The following CSGALNACT1 variants were observed in gnomAD, a reference collection of about 807,000 sequenced individuals.
CSGALNACT1 encodes beta4GalNAcT-1.
In CSGALNACT1, 52 loss-of-function variants were observed where a neutral mutation model predicts 51.0. The observed-to-expected ratio is 1.02, with a 90% confidence interval of 0.82 to 1.29. The LOEUF is 1.29. CSGALNACT1 is among the 50% of genes most tolerant of loss of function. The pLI is 0.00. For synonymous variants in CSGALNACT1, 341 were observed against 254.4 expected (o/e 1.34, Z -3.24); for missense variants, 935 against 679.2 (o/e 1.38, Z -4.19).
intron 5 of CSGALNACT1, among the ~76,000 whole-genome samples, chr8:19,451,744 T>G (rs1463929844): frequency 1.3e-5 from 2 of 152,240 alleles, no homozygotes; most frequent in Non-Finnish European, 2.9e-5. Context: ...TTATTGTAAG[T>G]TGAAGCCATG....
intron 2 of CSGALNACT1, among the ~76,000 whole-genome samples, chr8:19,592,403 A>G (rs1168483053): frequency 1.3e-5 from 2 of 152,206 alleles, no homozygotes; most frequent in African/African-American, 2.4e-5. Context: ...TAGTATATAT[A>G]TTTATTTATG....
intron 4 of CSGALNACT1, among the ~76,000 whole-genome samples, chr8:19,480,582 G>A (rs2071092377): frequency 6.6e-6 from 1 of 152,112 alleles, no homozygotes; most frequent in East Asian, 1.9e-4. Context: ...GAACATATGG[G>A]TGCCTGCGTC....
At chr8:19,675,893 G>A (rs1159865165) in intron 1 of CSGALNACT1, among the ~76,000 whole-genome samples, 1 of 151,970 alleles carries the variant, frequency 6.6e-6, no homozygotes, top group East Asian at 1.9e-4. Context: ...AGAGACCTGA[G>A]GACTGAACCA....
chr8:19,596,975 C>T (rs529867151), intron 2 of CSGALNACT1, among the ~76,000 whole-genome samples: 2 of 152,236 alleles, frequency 1.3e-5, no homozygotes, highest in East Asian at 1.9e-4. Context: ...ACTGTAACTC[C>T]GTACCCATTA....
intron 5 of CSGALNACT1, among the ~76,000 whole-genome samples, chr8:19,446,334 T>C (rs897651451): frequency 6.6e-6 from 1 of 152,144 alleles, no homozygotes; most frequent in Non-Finnish European, 1.5e-5. Flanking sequence ...CACTTCTCTA[T>C]AAACACCTTG....
chr8:19,405,634 C>T, exon 10 of CSGALNACT1: 1 of 1,083,558 alleles, frequency 9.2e-7, no homozygotes, highest in Non-Finnish European at 1.4e-6. Context: ...AAAAGCCCAA[C>T]AGAGAGAAAT....
At chr8:19,662,074 A>ACCCCCCC (rs1159242984) in intron 1 of CSGALNACT1, among the ~76,000 whole-genome samples, 3 of 35,016 alleles carry the variant, frequency 8.6e-5, no homozygotes, top group East Asian at 1.3e-3. Flanking sequence ...ACCCCCCCCC[A>ACCCCCCC]CCCCCCCCCC....
upstream of CSGALNACT1, among the ~76,000 whole-genome samples, chr8:19,606,365 A>ACT (rs2051367472): frequency 6.6e-6 from 1 of 152,214 alleles, no homozygotes. Flanking sequence ...AGGGTCAGGA[A>ACT]CTATACAGAC....
intron 4 of CSGALNACT1, among the ~76,000 whole-genome samples, chr8:19,483,528 C>A (rs2072028795): frequency 6.6e-6 from 1 of 152,232 alleles, no homozygotes; most frequent in Non-Finnish European, 1.5e-5. Context: ...TCTACTTTTG[C>A]TCCTCTCTGT....
At chr8:19,599,472 A>AAGAAAAAGAAAGAAAG (rs1554751245) in intron 2 of CSGALNACT1, among the ~76,000 whole-genome samples, 20 of 113,804 alleles carry the variant, frequency 1.8e-4, no homozygotes, top group African/African-American at 6.1e-4. Context: ...GAAAGAAAGA[A>AAGAAAAAGAAAGAAAG]AAAGAAAGAA....
intron 4 of CSGALNACT1, among the ~76,000 whole-genome samples, chr8:19,501,447 C>T (rs978512409): frequency 1.3e-5 from 2 of 152,086 alleles, no homozygotes; most frequent in Non-Finnish European, 2.9e-5. Flanking sequence ...AACCACAGCA[C>T]CCTCAAAGCC....
chr8:19,551,572 A>G (rs2088099668), intron 3 of CSGALNACT1, among the ~76,000 whole-genome samples: 1 of 152,128 alleles, frequency 6.6e-6, no homozygotes, highest in Non-Finnish European at 1.5e-5. Flanking sequence ...TCGGCTTCCT[A>G]TTGCGTGCAA....
chr8:19,750,180 C>T (rs1488038773), intron 1 of CSGALNACT1, among the ~76,000 whole-genome samples: 1 of 152,188 alleles, frequency 6.6e-6, no homozygotes, highest in East Asian at 1.9e-4. Flanking sequence ...ACCCCTTGTA[C>T]CCAAACCTTA....
chr8:19,745,318 A>C (rs934249953), intron 1 of CSGALNACT1, among the ~76,000 whole-genome samples: 3 of 152,192 alleles, frequency 2.0e-5, no homozygotes, highest in Non-Finnish European at 4.4e-5. Context: ...TCCACATCTT[A>C]TCTCTCTTTG....
intron 1 of CSGALNACT1, among the ~76,000 whole-genome samples, chr8:19,652,427 A>T (rs1176094592): frequency 1.3e-5 from 2 of 152,190 alleles, no homozygotes; most frequent in Non-Finnish European, 2.9e-5. Flanking sequence ...ATCTAGAAAT[A>T]GATGCATCCC....
intron 1 of CSGALNACT1, among the ~76,000 whole-genome samples, chr8:19,714,520 C>A (rs1401835936): frequency 6.6e-6 from 1 of 151,998 alleles, no homozygotes; most frequent in African/African-American, 2.4e-5. Context: ...CTGATTTTAC[C>A]CCAGAGCTCT....
chr8:19,552,010 AC>A (rs1279327423), intron 3 of CSGALNACT1, among the ~76,000 whole-genome samples: 1 of 152,184 alleles, frequency 6.6e-6, no homozygotes, highest in Non-Finnish European at 1.5e-5. Flanking sequence ...ACTGGATCAT[AC>A]CCTGGCAAAA....
At chr8:19,638,106 G>A (rs996933053) in intron 1 of CSGALNACT1, among the ~76,000 whole-genome samples, 17 of 147,324 alleles carry the variant, frequency 1.2e-4, no homozygotes, top group African/African-American at 3.3e-4. Context: ...TGAAACCAAC[G>A]ACTGTCTAAA....
intron 8 of CSGALNACT1, among the ~76,000 whole-genome samples, chr8:19,410,131 A>C (rs1303192106): frequency 6.6e-6 from 1 of 152,174 alleles, no homozygotes; most frequent in Non-Finnish European, 1.5e-5. Context: ...GGGAATGGGG[A>C]CCTGCTGCCA....
Sources: gnomAD v4.1 joint callset for allele counts (sites outside exome capture counted in the v4.1 genomes callset) on GRCh38, gnomAD v4.1.1 for gene constraint, MANE v1.5 for transcripts, NCBI Gene and HGNC (gene_info 2026-07-23, HGNC 2026-07-21) for gene names.